RYR1: variants seen among roughly 807,000 people sequenced by gnomAD.
RYR1 encodes central core disease of muscle.
RYR1 carries 342 observed loss-of-function variants against 583.5 expected under a neutral mutation model. The observed-to-expected ratio is 0.59, with a 90% CI of 0.54 to 0.64. The LOEUF is 0.64. RYR1 is among the 30% of genes least tolerant of loss of function. RYR1 has a pLI of 0.00. For missense variants in RYR1, 6,032 were observed against 6,917.2 expected (o/e 0.87, Z 4.54); for synonymous variants, 2,791 against 2,822.5 (o/e 0.99, Z 0.35).
At chr19:38,449,815 T>A (rs562065075) in intron 11 of RYR1, among the ~76,000 whole-genome samples, 2 of 152,082 alleles carry the variant, frequency 1.3e-5, no homozygotes, top group Non-Finnish European at 2.9e-5. Flanking sequence ...GCTGGAGTAG[T>A]GGTTGGTGAG....
chr19:38,540,324 A>G (rs1972142033), intron 84 of RYR1, among the ~76,000 whole-genome samples: 1 of 151,818 alleles, frequency 6.6e-6, no homozygotes, highest in African/African-American at 2.4e-5. Flanking sequence ...AAAAAAAAAA[A>G]AATCATATAC....
intron 33 of RYR1, among the ~76,000 whole-genome samples, chr19:38,484,905 C>G (rs1025613443): frequency 6.6e-6 from 1 of 151,754 alleles, no homozygotes; most frequent in East Asian, 1.9e-4. Context: ...CCCAGGAGTT[C>G]AAGGCTGCAG....
chr19:38,546,577 C>T (rs1398717628), intron 88 of RYR1, 51 bp downstream of exon 88: 2 of 1,480,312 alleles, frequency 1.4e-6, no homozygotes, highest in Non-Finnish European at 1.9e-6. Context: ...TTCAGAGAAG[C>T]CTGAGAATGG....
At chr19:38,439,179 C>T (rs868233447) in intron 1 of RYR1, among the ~76,000 whole-genome samples, 16 of 150,730 alleles carry the variant, frequency 1.1e-4, no homozygotes, top group Non-Finnish European at 1.6e-4. Context: ...CAGCCTATAC[C>T]ATTACTATTT....
At chr19:38,551,527 C>T (rs537811833) in intron 89 of RYR1, among the ~76,000 whole-genome samples, 3 of 152,214 alleles carry the variant, frequency 2.0e-5, no homozygotes, top group East Asian at 1.9e-4. Context: ...TTCTCAGCCA[C>T]GCCTTGCAAG....
intron 54 of RYR1, 29 bp downstream of exon 54, chr19:38,505,975 G>T (rs765959092): frequency 3.1e-6 from 5 of 1,608,728 alleles, no homozygotes; most frequent in Non-Finnish European, 4.2e-6. Context: ...TGGAGGGCAG[G>T]GGCACGATGG....
chr19:38,486,127 G>C lies in RYR1; in HGVS notation c.5472G>C (p.Gln1824His), dbSNP rs951620781. The C allele has an allele frequency of 1.2e-6, 2 of 1,613,136 alleles. No homozygotes were observed. Among genetic ancestry groups the C allele is most frequent in the Non-Finnish European group, 1.7e-6 (2 of 1,179,844 alleles). ...MLGEAVRDGG[Q>H]HARDPVGGSV... ...GGGAGGCGGTGCGCGACGGTGGGCAGCACGCTCGCGACCCCGTCGGGGGCT... is the reference window on the plus strand; with the variant it reads ...GGGAGGCGGTGCGCGACGGTGGGCACCACGCTCGCGACCCCGTCGGGGGCT... The change falls in exon 34 of 106, where the codon CAG becomes CAC. Residue 1824 changes from glutamine (Q) to histidine (H), a missense_variant. Physicochemically the swap from Gln to His is conservative, Grantham distance 24 (BLOSUM62 0). This residue lies in a region of RYR1 where 2,627 missense variants were observed against 2,961.3 expected (regional missense o/e 0.89). Coordinates refer to ENST00000359596, the MANE Select transcript of RYR1 (RefSeq NM_000540.3).
At chr19:38,587,224 G>A in intron 105 of RYR1, 101 bp from the exon 106 acceptor site, 1 of 822,004 alleles carries the variant, frequency 1.2e-6, no homozygotes. Context: ...CTGCACTCCA[G>A]CCTGGGCAAC....
In RYR1 at chr19:38,548,298, G is replaced by T. The variant is rs769642510; in HGVS notation, c.12160G>T (p.Val4054Leu). 1 of 1,614,234 alleles carries T rather than the reference G, an allele frequency of 6.2e-7. No homozygotes were observed. Among genetic ancestry groups the T allele is most frequent in the South Asian group, 1.1e-5 (1 of 91,088 alleles). The change falls in exon 89 of 106, where the codon GTG becomes TTG. Residue 4054 changes from valine to leucine, a missense_variant. Coordinates refer to ENST00000359596, the MANE Select transcript of RYR1 (RefSeq NM_000540.3). ...CATGCTCGTGGAATCCTCATCCAAT[G>T]TGGAGATGATCCTCAAGTTCTTCGA... The part of the protein sequence containing the change: ...VDMLVESSSN[V>L]EMILKFFDMF...
chr19:38,521,436 G>T (rs953127613), intron 67 of RYR1, among the ~76,000 whole-genome samples: 19 of 151,652 alleles, frequency 1.3e-4, no homozygotes, highest in Non-Finnish European at 2.4e-4. Context: ...CACTTTGGGT[G>T]GCCAAAGAGA....
intron 95 of RYR1, 108 bp from the exon 96 acceptor site, chr19:38,573,069 C>G: frequency 7.1e-6 from 11 of 1,557,530 alleles, no homozygotes; most frequent in Non-Finnish European, 9.7e-6. Context: ...GAAAGCACTT[C>G]TGATGTGGGG....
rs1973352873 is a variant in RYR1, at chr19:38,565,313, G to A, written c.12979G>A (p.Glu4327Lys). The change falls in exon 91 of 106, where the codon GAG (glutamate) becomes AAG (lysine). Residue 4327 changes from glutamate (E) to lysine (K), a missense_variant. Around this residue, in one of 11 missense-constraint regions of RYR1, gnomAD observed 753 missense variants for 759.6 expected, o/e 0.99. Coordinates refer to ENST00000359596, the MANE Select transcript of RYR1 (RefSeq NM_000540.3). The surrounding 1 kb of genome is among the most constrained non-coding windows in gnomAD (Gnocchi z 4.7). Reference protein sequence around the residue: ...VRRLRRLTAREAATAVAALLW... With the variant: ...VRRLRRLTARKAATAVAALLW... The stretch of plus-strand genomic sequence containing the variant: ...GCGGCTGCGGCGGCTTACGGCCCGC[G>A]AGGCGGCCACCGCAGTGGCGGCGCT... The A allele has an allele frequency of 3.5e-6, 4 of 1,143,252 alleles. No homozygotes were observed. The highest frequency in any genetic ancestry group is 4.3e-6 in the Non-Finnish European group (4 of 931,994). 70.8% of individuals were successfully genotyped at this position (1,143,252 alleles called of 1,614,324 possible). A position where few individuals can be genotyped will look rare whatever the true frequency, so the allele number is the denominator to read the frequency against.
rs1393197844 is a variant in RYR1 at position 38,446,483 on chromosome 19, G to A, written c.643G>A (p.Gly215Arg). 1.2e-6 allele frequency: 2 copies of A among 1,613,758 alleles called. No individual in the cohort carries two copies. Among genetic ancestry groups the A allele is most frequent in the Admixed American group, 3.3e-5 (2 of 59,996 alleles). Residue 215 changes from glycine (G) to arginine (R), a missense_variant, in exon 8 of 106, where the codon GGA becomes AGA. This residue lies in a region of RYR1 where 338 missense variants were observed against 441.6 expected (regional missense o/e 0.77). Coordinates refer to ENST00000359596, the MANE Select transcript of RYR1 (RefSeq NM_000540.3). ...TTGCTCCTCTCCAGGCTTCGTGACG[G>A]GAGGTCACGTCCTCCGCCTCTTTCA... The part of the protein sequence containing the change: ...CSRCEEGFVT[G>R]GHVLRLFHGH...
intron 94 of RYR1, among the ~76,000 whole-genome samples, chr19:38,571,381 C>G (rs928811192): frequency 6.6e-6 from 1 of 152,172 alleles, no homozygotes; most frequent in Non-Finnish European, 1.5e-5. Context: ...CGCCTGTAAT[C>G]CCAGCACTTT....
chr19:38,525,587 A>G (rs1971433536), intron 71 of RYR1, 85 bp downstream of exon 71: 1 of 1,411,322 alleles, frequency 7.1e-7, no homozygotes, highest in Non-Finnish European at 9.8e-7. Flanking sequence ...AACAACCACA[A>G]TGCCACTGAG....
intron 69 of RYR1, chr19:38,523,711 C>T (rs1971328537): frequency 1.5e-6 from 1 of 652,560 alleles, no homozygotes; most frequent in Admixed American, 2.4e-5. Context: ...TTCCTGCTTT[C>T]CTCCCTATCC....
At chr19:38,528,809 C>T in intron 75 of RYR1, 114 bp downstream of exon 75, 2 of 1,432,216 alleles carry the variant, frequency 1.4e-6, no homozygotes, top group Non-Finnish European at 9.8e-7. Context: ...TATAGAAATG[C>T]CAGCTCCTGG....
intron 94 of RYR1, among the ~76,000 whole-genome samples, chr19:38,571,705 G>A (rs1973722883): frequency 6.6e-6 from 1 of 152,170 alleles, no homozygotes; most frequent in Non-Finnish European, 1.5e-5. Flanking sequence ...CATATAAAAA[G>A]CACTGTGTAA....
chr19:38,535,208 T>C lies in RYR1; in HGVS notation c.11427T>C (p.Ala3809=). ...LGISILNGGN[A]EVQQKMLDYL... ...TCTCCATCCTCAATGGAGGCAATGCTGAGGTCCAGCAGGTAACAGAGGCAA... is the reference window on the plus strand; with the variant it reads ...TCTCCATCCTCAATGGAGGCAATGCCGAGGTCCAGCAGGTAACAGAGGCAA... Residue 3809 remains alanine, a synonymous_variant, in exon 80 of 106, where the codon GCT becomes GCC. Coordinates refer to ENST00000359596, the MANE Select transcript of RYR1 (RefSeq NM_000540.3). The C allele has an allele frequency of 6.2e-7, 1 of 1,614,130 alleles. No individual in the cohort carries two copies. The highest frequency in any genetic ancestry group is 8.5e-7 in the Non-Finnish European group (1 of 1,180,020).
Sources: allele counts gnomAD v4.1 joint callset (sites outside exome capture counted in the v4.1 genomes callset), GRCh38; gene constraint gnomAD v4.1.1; regional missense constraint gnomAD v4.1.1; non-coding constraint Gnocchi (gnomAD v3.1); transcripts MANE v1.5; gene names NCBI Gene and HGNC (gene_info 2026-07-23, HGNC 2026-07-21).